The following GRB14 variants were observed in gnomAD, a reference collection of about 807,000 sequenced individuals.
GRB14 encodes the protein growth factor receptor bound protein 14, also known as growth factor receptor-bound protein 14.
In GRB14, 38 loss-of-function variants were observed where a neutral mutation model predicts 69.1. That is an observed-to-expected ratio of 0.55 (90% CI 0.42 to 0.72). The LOEUF (loss-of-function observed/expected upper bound fraction) is 0.72, where lower values mean the gene tolerates loss of function less well. Among genes scored for constraint, GRB14 ranks in the 30% least tolerant of loss-of-function variants. The pLI, the probability that GRB14 is intolerant of heterozygous loss-of-function variation, is 0.00. For synonymous variants in GRB14, 247 were observed against 241.3 expected, an observed-to-expected ratio of 1.02 and a Z score of -0.22; for missense variants, 666 against 666.1, an observed-to-expected ratio of 1.00 and a Z score of 0.00.
Position 164,527,110 on chromosome 2 carries a change from C to G in GRB14, c.507G>C (p.Leu169=). The G allele has an allele frequency of 6.3e-7, 1 of 1,580,590 alleles. No homozygotes were observed. The highest frequency in any genetic ancestry group is 8.6e-7 in the Non-Finnish European group (1 of 1,156,456). The change falls in exon 4 of 14, where the codon CTG becomes CTC. Residue 169 remains leucine, a synonymous_variant. Coordinates refer to ENST00000263915, the MANE Select transcript of GRB14 (RefSeq NM_004490.3). ...GVERTIEDHE[L]VIEVLSNWGI... ...CCCAGTTGGATAGCACTTCAATCAC[C>G]AGTTCGTGGTCTTCTATTGTTCTTT...
chr2:164,593,644 A>G (rs532468309), intron 2 of GRB14, among the ~76,000 whole-genome samples: 1 of 152,298 alleles, frequency 6.6e-6, no homozygotes, highest in South Asian at 2.1e-4. Context: ...CAGGAGAGAG[A>G]AAAAAGGAAT....
intron 2 of GRB14, among the ~76,000 whole-genome samples, chr2:164,572,253 C>T (rs1444442664): frequency 6.6e-6 from 1 of 152,176 alleles, no homozygotes; most frequent in Non-Finnish European, 1.5e-5. Flanking sequence ...AAGTACCATC[C>T]AACCTCTAGG....
intron 2 of GRB14, among the ~76,000 whole-genome samples, chr2:164,599,558 C>A (rs1689866167): frequency 6.6e-6 from 1 of 152,178 alleles, no homozygotes; most frequent in Admixed American, 6.5e-5. Flanking sequence ...ACAAAGTAGG[C>A]AGTGCTTTTC....
chr2:164,564,979 C>T (rs1688934116), intron 2 of GRB14, among the ~76,000 whole-genome samples: 1 of 152,166 alleles, frequency 6.6e-6, no homozygotes, highest in Admixed American at 6.5e-5. Context: ...GGCGCCACTG[C>T]ACTCCAGCCT....
intron 8 of GRB14, among the ~76,000 whole-genome samples, chr2:164,506,811 G>A (rs564763856): frequency 6.6e-6 from 1 of 152,068 alleles, no homozygotes; most frequent in African/African-American, 2.4e-5. Flanking sequence ...AAGGAATAAA[G>A]AGCTAACATA....
At chr2:164,541,238 T>TG (rs780762391) in intron 3 of GRB14, among the ~76,000 whole-genome samples, 17 of 151,870 alleles carry the variant, frequency 1.1e-4, no homozygotes, top group Non-Finnish European at 2.2e-4. Flanking sequence ...GAGGCCGAGG[T>TG]GGGGTGGTTC....
intron 5 of GRB14, among the ~76,000 whole-genome samples, chr2:164,524,462 G>C (rs1028822558): frequency 3.9e-5 from 6 of 152,078 alleles, no homozygotes; most frequent in Non-Finnish European, 7.4e-5. Flanking sequence ...TTTTTAATTA[G>C]ATAACTAGTA....
intron 2 of GRB14, among the ~76,000 whole-genome samples, chr2:164,564,216 C>T (rs2105324827): frequency 6.6e-6 from 1 of 152,250 alleles, no homozygotes; most frequent in Non-Finnish European, 1.5e-5. Context: ...AGCAGAAGTG[C>T]AGATATACAG....
chr2:164,610,190 A>G (rs1326504619), intron 2 of GRB14, among the ~76,000 whole-genome samples: 1 of 152,232 alleles, frequency 6.6e-6, no homozygotes, highest in African/African-American at 2.4e-5. Flanking sequence ...ACTGACCTAA[A>G]TAATTCACCA....
At chr2:164,540,399 AG>A (rs2105303200) in intron 3 of GRB14, among the ~76,000 whole-genome samples, 1 of 152,248 alleles carries the variant, frequency 6.6e-6, no homozygotes, top group East Asian at 1.9e-4. Context: ...TCATGAGGTC[AG>A]GAGTTCAAGA....
In GRB14 at chr2:164,615,974, G is replaced by A. The variant is rs181275736; in HGVS notation, c.324+3713C>T. Among the ~76,000 whole-genome samples, 1,065 of 152,272 alleles carry A rather than the reference G, an allele frequency of 7.0e-3. 7 individuals are homozygous for A. The highest frequency in any genetic ancestry group is 9.4e-3 in the Non-Finnish European group (637 of 68,022). ...TTTAAATCATAAATTAGAAAAAAGAGATTAAGTTCATAATGGAAGTCACTT... is the reference window on the plus strand; with the variant it reads ...TTTAAATCATAAATTAGAAAAAAGAAATTAAGTTCATAATGGAAGTCACTT... On this transcript the variant is annotated intron_variant, in intron 2 of 13. Coordinates refer to ENST00000263915, the MANE Select transcript of GRB14 (RefSeq NM_004490.3).
intron 2 of GRB14, among the ~76,000 whole-genome samples, chr2:164,603,354 A>G (rs1266883827): frequency 2.6e-5 from 4 of 152,164 alleles, no homozygotes; most frequent in Non-Finnish European, 5.9e-5. Context: ...CCAAGTGTGT[A>G]AAGTAAAACA....
intron 2 of GRB14, among the ~76,000 whole-genome samples, chr2:164,608,282 G>A (rs1690085920): frequency 6.6e-6 from 1 of 151,966 alleles, no homozygotes; most frequent in Non-Finnish European, 1.5e-5. Flanking sequence ...TGAGGCAGGA[G>A]AATCGCTTGA....
At chr2:164,566,172 T>C (rs777620278) in intron 2 of GRB14, among the ~76,000 whole-genome samples, 1 of 152,172 alleles carries the variant, frequency 6.6e-6, no homozygotes. Flanking sequence ...TATAAGATCA[T>C]TTAAAATTAT....
chr2:164,562,906 G>T (rs1688870480), intron 2 of GRB14, among the ~76,000 whole-genome samples: 1 of 152,166 alleles, frequency 6.6e-6, no homozygotes, highest in Non-Finnish European at 1.5e-5. Context: ...CTCAGGAAAA[G>T]AAACATTTCA....
chr2:164,555,319 A>T (rs565093185), intron 2 of GRB14, among the ~76,000 whole-genome samples: 1 of 152,358 alleles, frequency 6.6e-6, no homozygotes, highest in Admixed American at 6.5e-5. Flanking sequence ...CCATGACTGG[A>T]AAGTCATTAA....
intron 8 of GRB14, among the ~76,000 whole-genome samples, chr2:164,508,224 C>G (rs1370909107): frequency 6.6e-6 from 1 of 152,132 alleles, no homozygotes; most frequent in Non-Finnish European, 1.5e-5. Flanking sequence ...CAGAACATTT[C>G]TAGAAATGGA....
chr2:164,595,950 C>T (rs1689771298), intron 2 of GRB14, among the ~76,000 whole-genome samples: 1 of 152,016 alleles, frequency 6.6e-6, no homozygotes, highest in African/African-American at 2.4e-5. Flanking sequence ...ATGGTGAAAC[C>T]CTGTCTCTAC....
intron 2 of GRB14, among the ~76,000 whole-genome samples, chr2:164,579,626 C>A (rs1404381418): frequency 6.6e-6 from 1 of 152,044 alleles, no homozygotes; most frequent in African/African-American, 2.4e-5. Context: ...CTGGAGAGAA[C>A]CCACATAGAC....
Sources: gnomAD v4.1 joint callset for allele counts (sites outside exome capture counted in the v4.1 genomes callset) on GRCh38, gnomAD v4.1.1 for gene constraint, MANE v1.5 for transcripts, NCBI Gene and HGNC (gene_info 2026-07-23, HGNC 2026-07-21) for gene names.